The following JAK2 variants were observed in gnomAD, a reference collection of about 807,000 sequenced individuals.
JAK2 encodes the protein Janus kinase 2, also known as tyrosine-protein kinase JAK2.
JAK2 carries 86 observed loss-of-function variants against 139.3 expected under a neutral mutation model. The ratio of observed to expected loss-of-function variants is 0.62; its 90% CI spans 0.52 to 0.74. The LOEUF is 0.74. JAK2 is among the 30% of genes least tolerant of loss of function. The pLI is 0.00. For missense variants in JAK2, 1,421 were observed against 1,360.3 expected (o/e 1.04, Z -0.70); for synonymous variants, 490 against 437.7 (o/e 1.12, Z -1.49).
intron 15 of JAK2, 90 bp downstream of exon 15, chr9:5,077,670 C>A (rs1819399069): frequency 3.8e-6 from 3 of 787,600 alleles, no homozygotes; most frequent in African/African-American, 1.9e-5. Context: ...AAAAATAAAT[C>A]TGTAATTGGA....
At chr9:5,010,009 C>T (rs1306805844) in intron 2 of JAK2, among the ~76,000 whole-genome samples, 1 of 152,156 alleles carries the variant, frequency 6.6e-6, no homozygotes, top group African/African-American at 2.4e-5. Context: ...CAGGCTCAAA[C>T]GATCCTCTCG....
At chr9:4,999,118 C>T (rs891394722) in intron 2 of JAK2, among the ~76,000 whole-genome samples, 7 of 152,168 alleles carry the variant, frequency 4.6e-5, no homozygotes, top group African/African-American at 1.7e-4. Flanking sequence ...AGCCACCGCA[C>T]CCGGGCTCAG....
chr9:5,044,449 C>A lies in JAK2; in HGVS notation c.397C>A (p.Arg133=). ...WYCSGSNRAY[R]HGISRGAEAP... ...TTGCAGTGGCAGCAACAGAGCCTAT[C>A]GGCATGGAATATCTCGAGGTGCTGA... The change falls in exon 5 of 25, where the codon CGG becomes AGG. Residue 133 remains arginine, a synonymous_variant. Coordinates refer to ENST00000381652, the MANE Select transcript of JAK2 (RefSeq NM_004972.4). 1 of 1,613,192 alleles carries A rather than the reference C, an allele frequency of 6.2e-7. No individual in the cohort carries two copies. The highest frequency in any genetic ancestry group is 8.5e-7 in the Non-Finnish European group (1 of 1,179,478).
At chr9:5,047,136 A>C (rs1447284514) in intron 5 of JAK2, among the ~76,000 whole-genome samples, 2 of 152,130 alleles carry the variant, frequency 1.3e-5, no homozygotes, top group Non-Finnish European at 2.9e-5. Flanking sequence ...TACTTCTCTA[A>C]ATTTGTGCCC....
At chr9:5,081,050 C>T (rs1187069378) in intron 18 of JAK2, among the ~76,000 whole-genome samples, 3 of 151,744 alleles carry the variant, frequency 2.0e-5, no homozygotes, top group Non-Finnish European at 4.4e-5. Flanking sequence ...CGCCCGCCAC[C>T]ACACCCGGCT....
chr9:5,023,583 T>C lies in JAK2; in HGVS notation c.226+1370T>C, dbSNP rs1822579966. On this transcript the variant is annotated intron_variant, in intron 3 of 24. Coordinates refer to ENST00000381652, the MANE Select transcript of JAK2 (RefSeq NM_004972.4). ...AAATTCCAGGGGTTCACAGTAGGAA[T>C]GTGGACCATTGGGCATCTCTAACTT... Among the ~76,000 whole-genome samples the C allele has an allele frequency of 2.0e-5, 3 of 152,332 alleles. No homozygotes were observed. In the South Asian group the frequency reaches 6.2e-4, roughly 32 times the overall value.
intron 22 of JAK2, chr9:5,112,466 G>A: frequency 1.8e-6 from 1 of 544,144 alleles, no homozygotes; most frequent in Non-Finnish European, 3.3e-6. Context: ...AAGGACCCCC[G>A]GGACCGGACC....
intron 3 of JAK2, among the ~76,000 whole-genome samples, chr9:5,025,941 G>A (rs776572175): frequency 3.9e-5 from 6 of 152,138 alleles, no homozygotes; most frequent in Non-Finnish European, 8.8e-5. Flanking sequence ...GCATAATGTT[G>A]TTCTAGCACT....
At chr9:5,043,557 A>G (rs1325565277) in intron 4 of JAK2, among the ~76,000 whole-genome samples, 1 of 152,192 alleles carries the variant, frequency 6.6e-6, no homozygotes, top group Non-Finnish European at 1.5e-5. Context: ...TAAAAGGGTA[A>G]ACAAAGAGTT....
chr9:5,062,194 T>C (rs1452602432), intron 8 of JAK2, among the ~76,000 whole-genome samples: 1 of 151,962 alleles, frequency 6.6e-6, no homozygotes, highest in Non-Finnish European at 1.5e-5. Flanking sequence ...CCTGCATATG[T>C]GTAGGGCTGA....
intron 4 of JAK2, chr9:5,041,704 A>C: frequency 2.0e-6 from 1 of 504,960 alleles, no homozygotes. Flanking sequence ...TTCGTGTTCG[A>C]CTCTGAGTAC....
At chr9:5,092,172 T>C (rs1382902692) in intron 22 of JAK2, among the ~76,000 whole-genome samples, 1 of 152,126 alleles carries the variant, frequency 6.6e-6, no homozygotes, top group African/African-American at 2.4e-5. Context: ...GGCCACATTT[T>C]CTACCCCAGA....
intron 19 of JAK2, chr9:5,085,100 G>A: frequency 1.5e-6 from 1 of 655,810 alleles, no homozygotes; most frequent in Admixed American, 1.8e-5. Context: ...CAGTACTGCT[G>A]GGCAAGGTAG....
chr9:5,098,123 T>C (rs1821166971), intron 22 of JAK2: 1 of 152,112 alleles, frequency 6.6e-6, no homozygotes, highest in South Asian at 2.1e-4. Context: ...TGAACAACCA[T>C]CTAGTAATTT....
At chr9:5,091,058 G>C (rs1185135761) in intron 22 of JAK2, 147 bp downstream of exon 22, 1 of 572,408 alleles carries the variant, frequency 1.7e-6, no homozygotes, top group Non-Finnish European at 3.0e-6. Flanking sequence ...TTTTTTTTTA[G>C]GTCTTATAGT....
rs182451701 is a variant in JAK2, at chr9:5,058,738, G to T, written c.1056+2950G>T. On this transcript the variant is annotated intron_variant, in intron 8 of 24. Transcript: ENST00000381652. ...GTTTTCTGATAGTAGCCATCTGATG[G>T]GTGTGAAGTAGTATCTCATTGTGAT... is the stretch of plus-strand genomic sequence containing the variant. Among the ~76,000 whole-genome samples the T allele has an allele frequency of 9.2e-5, 14 of 152,086 alleles. No individual in the cohort carries two copies. The East Asian group carries it at 2.7e-3, about 29-fold the overall frequency.
intron 2 of JAK2, among the ~76,000 whole-genome samples, chr9:4,990,041 G>A (rs1820154824): frequency 1.3e-5 from 2 of 152,156 alleles, no homozygotes; most frequent in African/African-American, 2.4e-5. Flanking sequence ...GTAGAAAGAG[G>A]TAGGAAAATA....
chr9:5,104,844 G>C (rs561077220), intron 22 of JAK2, among the ~76,000 whole-genome samples: 1 of 152,264 alleles, frequency 6.6e-6, no homozygotes, highest in Admixed American at 6.5e-5. Flanking sequence ...AAAGGTCTTT[G>C]ACAAAATTCT....
chr9:4,988,679 C>CT (rs1820094388), intron 2 of JAK2, among the ~76,000 whole-genome samples: 1 of 152,120 alleles, frequency 6.6e-6, no homozygotes, highest in Non-Finnish European at 1.5e-5. Context: ...CTGCCCAGTT[C>CT]TTTCATTTTA....
Sources: gnomAD v4.1 joint callset for allele counts (sites outside exome capture counted in the v4.1 genomes callset) on GRCh38, gnomAD v4.1.1 for gene constraint, MANE v1.5 for transcripts, NCBI Gene and HGNC (gene_info 2026-07-23, HGNC 2026-07-21) for gene names.